The following RIC1 variants were observed in gnomAD, a reference collection of about 807,000 sequenced individuals.
RIC1 encodes the protein RIC1 partner of RAB6A GEF complex, also known as guanine nucleotide exchange factor subunit RIC1.
Under a neutral mutation model 169.0 loss-of-function variants are expected in RIC1, and 88 were observed. That is an observed-to-expected ratio of 0.52 (90% confidence interval 0.44 to 0.62). The LOEUF is 0.62. Ranked by LOEUF, RIC1 falls within the 20% of genes least tolerant of loss-of-function variation. The pLI, the probability that RIC1 is intolerant of heterozygous loss-of-function variation, is 0.00. For synonymous variants in RIC1, 790 were observed against 601.5 expected (o/e 1.31, Z -4.59); for missense variants, 1,877 against 1,725.5 (o/e 1.09, Z -1.56).
intron 1 of RIC1, among the ~76,000 whole-genome samples, chr9:5,651,487 A>G (rs1813356805): frequency 6.6e-6 from 1 of 150,438 alleles, no homozygotes; most frequent in African/African-American, 2.4e-5. Flanking sequence ...AGACCAATAT[A>G]ATGAATCATT....
rs144656567 is a variant in RIC1, at chr9:5,658,639, A to C, written c.252+1949A>C. 3.3e-4 allele frequency among the ~76,000 whole-genome samples: 50 copies of C among 152,258 alleles called. No individual in the cohort carries two copies. In the East Asian group the frequency reaches 8.7e-3, roughly 26 times the overall value. ...GAAGTTGTATTAATTGATAGTAGTAAAAATCCACATGGAGCAGCAAAAGAC... is the reference window on the plus strand; with the variant it reads ...GAAGTTGTATTAATTGATAGTAGTACAAATCCACATGGAGCAGCAAAAGAC... On this transcript the variant is annotated intron_variant, in intron 2 of 25. Coordinates refer to ENST00000414202, the MANE Select transcript of RIC1 (RefSeq NM_020829.4).
chr9:5,630,620 A>C (rs1391579684), intron 1 of RIC1, among the ~76,000 whole-genome samples: 3 of 152,208 alleles, frequency 2.0e-5, no homozygotes, highest in African/African-American at 7.2e-5. Flanking sequence ...TGTAAATCAG[A>C]CTATTTGCCA....
At chr9:5,719,038 T>C (rs566851593) in intron 4 of RIC1, 2 of 152,344 alleles carry the variant, frequency 1.3e-5, no homozygotes, top group Non-Finnish European at 2.9e-5. Context: ...AAAAGGAATT[T>C]AATAGTATTT....
rs1350239530 is a variant in RIC1 at position 5,775,157 on chromosome 9, T to G, written c.*911T>G. 6.6e-6 allele frequency: 1 copy of G among 152,230 alleles called. No homozygotes were observed. The highest frequency in any genetic ancestry group is 1.5e-5 in the Non-Finnish European group (1 of 68,044). The allele number at this position is 152,230 out of a possible 1,614,324, so 9.4% of individuals were successfully genotyped here. On this transcript the variant is annotated 3_prime_UTR_variant, in exon 26 of 26. Transcript: ENST00000414202. ...GTAACAGAAATGGTCACACTGATCA[T>G]GAAATGCAGCAAGTTTTGTGCAAAT... is the stretch of plus-strand genomic sequence containing the variant.
chr9:5,694,943 A>G (rs1175616673), intron 3 of RIC1, among the ~76,000 whole-genome samples: 1 of 152,178 alleles, frequency 6.6e-6, no homozygotes, highest in Non-Finnish European at 1.5e-5. Context: ...TAGATACTAG[A>G]GATCTAACAG....
chr9:5,740,251 T>A (rs538318592), intron 8 of RIC1, among the ~76,000 whole-genome samples: 1 of 152,282 alleles, frequency 6.6e-6, no homozygotes, highest in East Asian at 1.9e-4. Context: ...CATAACTCTA[T>A]ATAAACAGTT....
intron 7 of RIC1, among the ~76,000 whole-genome samples, chr9:5,734,406 GTTTTAAAAA>G (rs1563936179): frequency 1.2e-4 from 19 of 152,026 alleles, no homozygotes; most frequent in Admixed American, 4.6e-4. Flanking sequence ...GCCCGGCCCA[GTTTTAAAAA>G]TAGATTTAAG....
intron 2 of RIC1, among the ~76,000 whole-genome samples, chr9:5,681,527 T>G (rs1181413884): frequency 6.6e-6 from 1 of 152,256 alleles, no homozygotes; most frequent in East Asian, 1.9e-4. Context: ...ATAATTTCTG[T>G]TCTTTTACAT....
chr9:5,778,601 TA>T (rs2131180324), downstream of RIC1, among the ~76,000 whole-genome samples: 1 of 152,374 alleles, frequency 6.6e-6, no homozygotes, highest in East Asian at 1.9e-4. Context: ...CCTTCCATGA[TA>T]AAAACACTCA....
intron 2 of RIC1, among the ~76,000 whole-genome samples, chr9:5,675,012 A>G (rs900881476): frequency 5.3e-5 from 8 of 152,214 alleles, no homozygotes; most frequent in Admixed American, 2.0e-4. Flanking sequence ...AATTCTCAGC[A>G]AGGCAGTGTA....
intron 2 of RIC1, among the ~76,000 whole-genome samples, chr9:5,684,169 A>G (rs1821051977): frequency 6.7e-6 from 1 of 149,160 alleles, no homozygotes; most frequent in South Asian, 2.1e-4. Flanking sequence ...CCCCGGTGAG[A>G]TGAACCCGGC....
chr9:5,697,621 A>G (rs771568976), intron 3 of RIC1, among the ~76,000 whole-genome samples: 21 of 152,224 alleles, frequency 1.4e-4, no homozygotes, highest in Non-Finnish European at 2.5e-4. Context: ...ATGAATGCAA[A>G]TGATGAAATA....
intron 2 of RIC1, among the ~76,000 whole-genome samples, chr9:5,663,513 T>C (rs1375134042): frequency 6.6e-6 from 1 of 152,234 alleles, no homozygotes; most frequent in Non-Finnish European, 1.5e-5. Context: ...GTTCCTATAC[T>C]GTGTGTGCAT....
chr9:5,731,623 G>A (rs1390535985), intron 6 of RIC1, among the ~76,000 whole-genome samples: 1 of 152,126 alleles, frequency 6.6e-6, no homozygotes, highest in Non-Finnish European at 1.5e-5. Flanking sequence ...TGACAGATAG[G>A]AGCAAACAAC....
At chr9:5,629,589 C>T (rs938824158) in intron 1 of RIC1, 136 bp downstream of exon 1, 52 of 1,015,916 alleles carry the variant, frequency 5.1e-5, no homozygotes, top group Admixed American at 1.9e-4. Context: ...TCCGCGTCCT[C>T]GTTCCACCGA....
At chr9:5,764,500 T>G (rs1826560968) in intron 19 of RIC1, among the ~76,000 whole-genome samples, 1 of 152,238 alleles carries the variant, frequency 6.6e-6, no homozygotes, top group South Asian at 2.1e-4. Context: ...GGTTATTTGA[T>G]AGGCTACACT....
intron 8 of RIC1, among the ~76,000 whole-genome samples, chr9:5,739,306 G>A (rs973668959): frequency 1.3e-5 from 2 of 152,068 alleles, no homozygotes; most frequent in African/African-American, 4.8e-5. Flanking sequence ...TCAACTATTA[G>A]AACCTTTTTT....
At chr9:5,729,925 T>C (rs1307474037) in intron 6 of RIC1, among the ~76,000 whole-genome samples, 2 of 152,032 alleles carry the variant, frequency 1.3e-5, no homozygotes, top group Non-Finnish European at 2.9e-5. Flanking sequence ...GAAATAAAAA[T>C]ATTAGAGCTG....
intron 2 of RIC1, among the ~76,000 whole-genome samples, chr9:5,657,488 A>C (rs1055664262): frequency 6.6e-6 from 1 of 152,154 alleles, no homozygotes; most frequent in African/African-American, 2.4e-5. Context: ...AGTAGATATT[A>C]TTATCCTTCA....
Sources: allele counts gnomAD v4.1 joint callset (sites outside exome capture counted in the v4.1 genomes callset), GRCh38; gene constraint gnomAD v4.1.1; transcripts MANE v1.5; gene names NCBI Gene and HGNC (gene_info 2026-07-23, HGNC 2026-07-21).